GALNT13: variants seen among roughly 807,000 people sequenced by gnomAD.
GALNT13 encodes UDP-GalNAc:polypeptide N-acetylgalactosaminyltransferase 13.
In GALNT13, 28 loss-of-function variants were observed where a neutral mutation model predicts 64.2. The ratio of observed to expected loss-of-function variants is 0.44; its 90% CI spans 0.32 to 0.60. GALNT13 has a LOEUF of 0.60. Ranked by LOEUF, GALNT13 falls within the 20% of genes least tolerant of loss-of-function variation. GALNT13 has a pLI of 0.05. For missense variants in GALNT13, 577 were observed against 669.8 expected (o/e 0.86, Z 1.53); for synonymous variants, 214 against 224.6 (o/e 0.95, Z 0.42).
intron 3 of GALNT13, among the ~76,000 whole-genome samples, chr2:154,058,470 G>A (rs1700011817): frequency 6.6e-6 from 1 of 152,184 alleles, no homozygotes; most frequent in Admixed American, 6.5e-5. Flanking sequence ...AACGACTTGT[G>A]GAACACAGGA....
the GALNT13 span, among the ~76,000 whole-genome samples, chr2:153,702,937 T>G: frequency 6.6e-6 from 1 of 152,152 alleles, no homozygotes; most frequent in Non-Finnish European, 1.5e-5. Flanking sequence ...ACTTTCATAT[T>G]AAGAAGCTGG....
rs143451393 is a variant in GALNT13 at position 153,901,521 on chromosome 2, C to T, written c.-105+514C>T. On this transcript the variant is annotated intron_variant, in intron 2 of 12. Transcript: ENST00000392825. ...ACCAGTGTTTTGTTGAGAACTTTCT[C>T]CTCCTTGGTTAGCTGTATTCCTAGG... Among the ~76,000 whole-genome samples, 44 of 152,042 alleles carry T rather than the reference C, an allele frequency of 2.9e-4. 2 individuals are homozygous for T. In the East Asian group the frequency reaches 7.9e-3, roughly 27 times the overall value.
At chr2:153,248,630 G>A in the GALNT13 span, among the ~76,000 whole-genome samples, 4 of 151,520 alleles carry the variant, frequency 2.6e-5, no homozygotes, top group African/African-American at 9.7e-5. Flanking sequence ...TGGCTAACAC[G>A]GTGAAACGCC....
chr2:154,056,807 A>G (rs1699915762), intron 3 of GALNT13, among the ~76,000 whole-genome samples: 1 of 152,042 alleles, frequency 6.6e-6, no homozygotes, highest in Non-Finnish European at 1.5e-5. Context: ...ATATTTATGG[A>G]CATTTTGGAA....
chr2:153,403,204 G>A, the GALNT13 span, among the ~76,000 whole-genome samples: 9 of 150,088 alleles, frequency 6.0e-5, 1 homozygote, highest in African/African-American at 2.2e-4. Flanking sequence ...GTGTCGGTAT[G>A]CCCCTGCTGG....
At chr2:154,439,445 T>C (rs372297060) in intron 12 of GALNT13, among the ~76,000 whole-genome samples, 53 of 151,708 alleles carry the variant, frequency 3.5e-4, no homozygotes, top group African/African-American at 1.2e-3. Context: ...ATTAACAAAA[T>C]GAATTGGTTG....
intron 3 of GALNT13, among the ~76,000 whole-genome samples, chr2:154,026,246 G>C (rs979457573): frequency 2.6e-5 from 4 of 152,162 alleles, no homozygotes; most frequent in African/African-American, 9.7e-5. Context: ...TGAGAAGATA[G>C]TTTATGATAT....
At chr2:153,628,777 T>A in the GALNT13 span, among the ~76,000 whole-genome samples, 2 of 152,212 alleles carry the variant, frequency 1.3e-5, no homozygotes, top group Admixed American at 1.3e-4. Flanking sequence ...TTTGCATCAA[T>A]GTTCATCAAG....
At chr2:153,808,426 T>C in the GALNT13 span, among the ~76,000 whole-genome samples, 1 of 152,176 alleles carries the variant, frequency 6.6e-6, no homozygotes, top group Non-Finnish European at 1.5e-5. Context: ...TTGGGTTCTT[T>C]GAAGTACCTG....
the GALNT13 span, among the ~76,000 whole-genome samples, chr2:153,079,544 T>C: frequency 2.0e-5 from 3 of 152,212 alleles, no homozygotes; most frequent in Admixed American, 1.3e-4. Context: ...CAAGGAAAAG[T>C]TCACATTCTG....
At chr2:153,751,330 T>C in the GALNT13 span, among the ~76,000 whole-genome samples, 6 of 151,884 alleles carry the variant, frequency 4.0e-5, no homozygotes, top group Admixed American at 6.6e-5. Context: ...ATCCATTTGG[T>C]CTCTAATGCA....
chr2:154,368,756 A>G (rs1456208683), intron 9 of GALNT13, among the ~76,000 whole-genome samples: 1 of 151,954 alleles, frequency 6.6e-6, no homozygotes, highest in Non-Finnish European at 1.5e-5. Flanking sequence ...GACAGAGGAA[A>G]CTCTCGGTAA....
chr2:154,317,083 T>C (rs1323881015), intron 9 of GALNT13, among the ~76,000 whole-genome samples: 3 of 151,876 alleles, frequency 2.0e-5, no homozygotes, highest in Non-Finnish European at 4.4e-5. Context: ...CGTGGTGGTA[T>C]GCACCTGTAG....
At position 154,281,430 on chromosome 2, in the gene GALNT13, T is replaced by C. The variant is rs1441647079; in HGVS notation, c.976-19979T>C. On this transcript the variant is annotated intron_variant, in intron 8 of 12. Transcript: ENST00000392825. ...GCAGCCCTAATAAGATGTGGAGTAA[T>C]GACATGTAACAATTTTTCTGATTCC... Among the ~76,000 whole-genome samples, 7 of 152,052 alleles carry C rather than the reference T, an allele frequency of 4.6e-5. No individual in the cohort carries two copies. In the East Asian group the frequency reaches 1.4e-3, roughly 29 times the overall value.
intron 9 of GALNT13, among the ~76,000 whole-genome samples, chr2:154,360,509 T>C (rs1697004578): frequency 6.6e-6 from 1 of 152,150 alleles, no homozygotes; most frequent in Non-Finnish European, 1.5e-5. Context: ...TATCCCAGTA[T>C]AGGGTGCTGC....
the GALNT13 span, among the ~76,000 whole-genome samples, chr2:153,154,177 A>G: frequency 1.3e-5 from 2 of 152,196 alleles, 1 homozygote; most frequent in South Asian, 4.1e-4. Context: ...CATAATTCCC[A>G]TGGACCTGGT....
chr2:154,085,486 A>G (rs971945334), intron 3 of GALNT13, among the ~76,000 whole-genome samples: 1 of 152,040 alleles, frequency 6.6e-6, no homozygotes, highest in African/African-American at 2.4e-5. Flanking sequence ...ATTCACTGAC[A>G]CTATGAAAGA....
the GALNT13 span, among the ~76,000 whole-genome samples, chr2:153,182,202 C>G: frequency 1.3e-5 from 2 of 151,956 alleles, no homozygotes; most frequent in African/African-American, 4.8e-5. Flanking sequence ...CACCATCATA[C>G]CCGGCTAATT....
the GALNT13 span, among the ~76,000 whole-genome samples, chr2:153,806,980 T>C: frequency 6.6e-6 from 1 of 152,078 alleles, no homozygotes; most frequent in Non-Finnish European, 1.5e-5. Context: ...AATTACTTTA[T>C]GGGGAAGGCG....
Sources: gnomAD v4.1 joint callset for allele counts (sites outside exome capture counted in the v4.1 genomes callset) on GRCh38, gnomAD v4.1.1 for gene constraint, MANE v1.5 for transcripts, NCBI Gene and HGNC (gene_info 2026-07-23, HGNC 2026-07-21) for gene names.